Variants in KDM2B observed in about 807,000 individuals in gnomAD.
The protein encoded by KDM2B is lysine-specific demethylase 2B.
Under a neutral mutation model 150.0 loss-of-function variants are expected in KDM2B, and 26 were observed. The ratio of observed to expected loss-of-function variants is 0.17; its 90% confidence interval spans 0.13 to 0.24. KDM2B has a LOEUF of 0.24. KDM2B is among the 10% of genes least tolerant of loss of function. The pLI is 1.00. For synonymous variants in KDM2B, 734 were observed against 729.5 expected (o/e 1.01, Z -0.10); for missense variants, 1,265 against 1,816.9 (o/e 0.70, Z 5.52).
intron 16 of KDM2B, 71 bp from the exon 17 acceptor site, chr12:121,443,864 C>T: frequency 7.2e-7 from 1 of 1,394,952 alleles, no homozygotes; most frequent in Non-Finnish European, 9.9e-7. Context: ...GCAGGGCTCT[C>T]AGGACTTAGG....
chr12:121,440,147 C>A (rs1310356141), intron 21 of KDM2B, 72 bp from the exon 22 acceptor site: 2 of 1,110,266 alleles, frequency 1.8e-6, no homozygotes, highest in Non-Finnish European at 2.6e-6. Context: ...ACATGACACT[C>A]TAAAAGGCCC....
chr12:121,508,569 A>G (rs142707867), intron 11 of KDM2B, among the ~76,000 whole-genome samples: 2,124 of 152,270 alleles, frequency 0.014, 49 homozygotes, highest in African/African-American at 0.048. Flanking sequence ...ACATTGGAGA[A>G]GGACACCCAG....
Position 121,513,590 on chromosome 12 carries a change from C to G in KDM2B, c.1048-188G>C, listed in dbSNP as rs1267595899. Among the ~76,000 whole-genome samples, 1 of 152,064 alleles carries G rather than the reference C, an allele frequency of 6.6e-6. No homozygotes were observed. Among genetic ancestry groups the G allele is most frequent in the Admixed American group, 6.5e-5 (1 of 15,276 alleles). ...ATGCCGGCAGCATGCACAAATGAGG[C>G]GGAGGACGAGGCCCGCATGAGCGCC... On this transcript the variant is annotated intron_variant, in intron 9 of 22. Coordinates refer to ENST00000377071, the MANE Select transcript of KDM2B (RefSeq NM_032590.5). The surrounding 1 kb of genome is among the most constrained non-coding windows in gnomAD (Gnocchi z 5.0).
chr12:121,509,545 C>T (rs201630694), intron 11 of KDM2B, 22 bp downstream of exon 11: 19 of 1,608,284 alleles, frequency 1.2e-5, no homozygotes, highest in Non-Finnish European at 1.6e-5. Context: ...GCCGCCCAGC[C>T]CCAGACGCCA....
intron 4 of KDM2B, among the ~76,000 whole-genome samples, chr12:121,573,058 T>A (rs1476800989): frequency 6.6e-6 from 1 of 151,114 alleles, no homozygotes; most frequent in Non-Finnish European, 1.5e-5. Flanking sequence ...AATCTTGACC[T>A]CGTGATCCTC....
At chr12:121,476,928 A>G (rs543579779) in intron 12 of KDM2B, among the ~76,000 whole-genome samples, 3 of 152,378 alleles carry the variant, frequency 2.0e-5, no homozygotes, top group African/African-American at 7.2e-5. Context: ...GCAAGAAGTG[A>G]AGCCCTCACA....
intron 12 of KDM2B, among the ~76,000 whole-genome samples, chr12:121,462,739 G>A (rs948192966): frequency 1.6e-4 from 25 of 151,998 alleles, no homozygotes; most frequent in African/African-American, 4.6e-4. Context: ...TGATTCGCCC[G>A]TCTCAGCCTC....
At chr12:121,557,231 A>ATTTTTTT (rs142679491) in intron 4 of KDM2B, among the ~76,000 whole-genome samples, 1 of 103,724 alleles carries the variant, frequency 9.6e-6, no homozygotes, top group Non-Finnish European at 1.8e-5. Context: ...AGACAAGAGA[A>ATTTTTTT]TTTTTTTTTT....
intron 12 of KDM2B, among the ~76,000 whole-genome samples, chr12:121,458,125 A>G (rs1555293174): frequency 6.6e-6 from 1 of 152,188 alleles, no homozygotes; most frequent in Non-Finnish European, 1.5e-5. Context: ...GCTCACCCCT[A>G]TAATCTCAGC....
intron 2 of KDM2B, among the ~76,000 whole-genome samples, chr12:121,577,092 T>C (rs1262261810): frequency 1.3e-5 from 2 of 152,186 alleles, no homozygotes; most frequent in Non-Finnish European, 2.9e-5. Flanking sequence ...CCCTCAAGTT[T>C]TGGGGCCAGA....
At chr12:121,415,737 G>A in the KDM2B span, among the ~76,000 whole-genome samples, 2 of 151,778 alleles carry the variant, frequency 1.3e-5, no homozygotes, top group Admixed American at 1.3e-4. Flanking sequence ...AATGTTGCCA[G>A]GTAAAATACA....
chr12:121,566,892 T>A (rs1309716718), intron 4 of KDM2B, among the ~76,000 whole-genome samples: 4 of 151,890 alleles, frequency 2.6e-5, no homozygotes, highest in African/African-American at 9.7e-5. Flanking sequence ...TTTTTTTTTC[T>A]TTTTTTTGAG....
At chr12:121,456,657 G>A (rs1878286491) in intron 12 of KDM2B, among the ~76,000 whole-genome samples, 5 of 152,186 alleles carry the variant, frequency 3.3e-5, no homozygotes, top group Admixed American at 3.3e-4. Flanking sequence ...CCTGCCCCGA[G>A]GACAGTGTCT....
intron 13 of KDM2B, among the ~76,000 whole-genome samples, chr12:121,449,264 G>T (rs898367662): frequency 5.9e-5 from 9 of 152,258 alleles, no homozygotes; most frequent in Admixed American, 5.9e-4. Flanking sequence ...ACATGGTGGA[G>T]AGGGGAGGCT....
At chr12:121,444,742 C>A in intron 14 of KDM2B, 1 of 598,236 alleles carries the variant, frequency 1.7e-6, no homozygotes, top group Non-Finnish European at 3.0e-6. Context: ...AGAGGCTGAG[C>A]CCCTTTGCTT....
At chr12:121,440,174 A>T in intron 21 of KDM2B, 99 bp from the exon 22 acceptor site, 1 of 803,336 alleles carries the variant, frequency 1.2e-6, no homozygotes, top group Middle Eastern at 3.6e-4. Context: ...CAGACAGAAC[A>T]CTCAGATTTC....
At chr12:121,417,846 A>G in the KDM2B span, 5 of 1,614,060 alleles carry the variant, frequency 3.1e-6, no homozygotes, top group Middle Eastern at 1.6e-4. This position sits in a 1 kb window ranked among gnomAD's most constrained non-coding sequence, Gnocchi z 5.0. Context: ...CTCTGCTACT[A>G]TGTCTTCGTT....
the KDM2B span, among the ~76,000 whole-genome samples, chr12:121,421,187 C>G: frequency 6.6e-6 from 1 of 151,818 alleles, no homozygotes; most frequent in African/African-American, 2.4e-5. Flanking sequence ...TTACATAGTT[C>G]TTAGCATCAA....
intron 9 of KDM2B, among the ~76,000 whole-genome samples, chr12:121,514,193 A>T (rs1555304518): frequency 6.6e-6 from 1 of 152,100 alleles, no homozygotes; most frequent in Non-Finnish European, 1.5e-5. Flanking sequence ...TAGCTCACTC[A>T]GCCTCGACCT....
Sources: gnomAD v4.1 joint callset for allele counts (sites outside exome capture counted in the v4.1 genomes callset) on GRCh38, gnomAD v4.1.1 for gene constraint, Gnocchi (gnomAD v3.1) non-coding constraint, MANE v1.5 for transcripts, NCBI Gene and HGNC (gene_info 2026-07-23, HGNC 2026-07-21) for gene names.